Variants in SPON1 observed in about 807,000 individuals in gnomAD.
The protein encoded by SPON1 is spondin-1.
In SPON1, 52 loss-of-function variants were observed where a neutral mutation model predicts 111.7. The ratio of observed to expected loss-of-function variants is 0.47; its 90% CI spans 0.37 to 0.59. The LOEUF (loss-of-function observed/expected upper bound fraction) is 0.59. Among genes scored for constraint, SPON1 ranks in the 20% least tolerant of loss-of-function variants. SPON1 has a pLI of 0.00. For missense variants in SPON1, 957 were observed against 1,068.5 expected, an observed-to-expected ratio of 0.90 and a Z score of 1.46; for synonymous variants, 410 against 395.8, an observed-to-expected ratio of 1.04 and a Z score of -0.43.
chr11:13,992,407 C>T (rs1332486234), intron 2 of SPON1, among the ~76,000 whole-genome samples: 1 of 152,174 alleles, frequency 6.6e-6, no homozygotes, highest in Non-Finnish European at 1.5e-5. Context: ...CCCCTTCCTC[C>T]ACCAAGCTCG....
At chr11:14,090,846 C>T (rs1266101472) in intron 5 of SPON1, among the ~76,000 whole-genome samples, 1 of 59,480 alleles carries the variant, frequency 1.7e-5, no homozygotes, top group East Asian at 8.4e-4. Flanking sequence ...CCCCCCCCCG[C>T]CCACATCCTG....
chr11:14,177,933 T>C (rs1030332539), intron 6 of SPON1, among the ~76,000 whole-genome samples: 2 of 152,146 alleles, frequency 1.3e-5, no homozygotes, highest in African/African-American at 2.4e-5. Context: ...ATTCCAAAAG[T>C]ATTTCAGAGA....
chr11:14,044,140 G>GTAATATTAAAGTCCATA (rs1554917626), intron 3 of SPON1, among the ~76,000 whole-genome samples: 27 of 152,132 alleles, frequency 1.8e-4, no homozygotes. Flanking sequence ...TAAAGTCCAT[G>GTAATATTAAAGTCCATA]TTCTGCCTTT....
intron 6 of SPON1, among the ~76,000 whole-genome samples, chr11:14,148,301 G>A (rs1025120852): frequency 1.3e-5 from 2 of 152,074 alleles, no homozygotes; most frequent in East Asian, 1.9e-4. Context: ...GTGTACTTAC[G>A]TCTCTTGAAG....
In SPON1 at chr11:14,120,267, G is replaced by T. The variant is rs531611058; in HGVS notation, c.677-15153G>T. ...ATTCCCAGGGTAATATTTATGCAAG[G>T]CAGGAAGTACTTAAAGAGCCTCCAA... On this transcript the variant is annotated intron_variant, in intron 5 of 15. Coordinates refer to ENST00000576479, the MANE Select transcript of SPON1 (RefSeq NM_006108.4). 2.6e-5 allele frequency among the ~76,000 whole-genome samples: 4 copies of T among 152,198 alleles called. No homozygotes were observed. In the South Asian group the frequency reaches 8.3e-4, roughly 32 times the overall value.
Position 14,145,769 on chromosome 11 carries a change from C to G in SPON1, c.825+10201C>G, listed in dbSNP as rs138184113. Among the ~76,000 whole-genome samples, 747 of 152,148 alleles carry G rather than the reference C, an allele frequency of 4.9e-3. 10 individuals carry two copies. The highest frequency in any genetic ancestry group is 0.017 in the African/African-American group (691 of 41,524). On this transcript the variant is annotated intron_variant, in intron 6 of 15. Coordinates refer to ENST00000576479, the MANE Select transcript of SPON1 (RefSeq NM_006108.4). Reference sequence around the variant, plus strand: ...AGTATTTTATTTTTAAGAGATGGAACAAGCAAACTTTCATCAATAGGGGTC... The same window carrying G: ...AGTATTTTATTTTTAAGAGATGGAAGAAGCAAACTTTCATCAATAGGGGTC...
intron 3 of SPON1, among the ~76,000 whole-genome samples, chr11:14,072,260 A>G (rs1848882860): frequency 6.6e-6 from 1 of 152,150 alleles, no homozygotes; most frequent in African/African-American, 2.4e-5. Flanking sequence ...TATTAAAAAG[A>G]GGAAATGGGT....
chr11:14,150,870 A>G (rs1156445753), intron 6 of SPON1, among the ~76,000 whole-genome samples: 2 of 152,272 alleles, frequency 1.3e-5, no homozygotes, highest in South Asian at 2.1e-4. Context: ...CACTGAACTC[A>G]CTTTTCTGGA....
chr11:14,136,022 A>G (rs76820037), intron 6 of SPON1, among the ~76,000 whole-genome samples: 2,981 of 152,246 alleles, frequency 0.02, 44 homozygotes, highest in Non-Finnish European at 0.032. Flanking sequence ...CATAATCATT[A>G]TGGACTGAGG....
At chr11:14,208,267 C>T (rs12365739) in intron 6 of SPON1, among the ~76,000 whole-genome samples, 21,284 of 151,732 alleles carry the variant, frequency 0.14, 1,669 homozygotes, top group South Asian at 0.24. Flanking sequence ...GGGCTTAATA[C>T]CTGGTTGATG....
chr11:14,173,725 T>C (rs1299139774), intron 6 of SPON1, among the ~76,000 whole-genome samples: 2 of 152,220 alleles, frequency 1.3e-5, no homozygotes, highest in Non-Finnish European at 2.9e-5. Context: ...GACCCTCAGC[T>C]GCAGGTCTGT....
intron 6 of SPON1, among the ~76,000 whole-genome samples, chr11:14,174,134 G>C (rs1249183727): frequency 1.3e-5 from 2 of 152,220 alleles, no homozygotes; most frequent in East Asian, 1.9e-4. Context: ...CTGGATCCTG[G>C]ATCCCCAAAA....
rs1388076674 is a variant in SPON1 at position 14,041,081 on chromosome 11, T to C, written c.346-440T>C. Among the ~76,000 whole-genome samples the C allele has an allele frequency of 2.0e-5, 3 of 152,234 alleles. No individual in the cohort carries two copies. In the East Asian group the frequency reaches 5.8e-4, roughly 29 times the overall value. On this transcript the variant is annotated intron_variant, in intron 2 of 15. Transcript: ENST00000576479. ...AGTGCTATGAAGCTGGGATACTTTA[T>C]ATACTTTGCTATACTTCCTCCAAAA...
At chr11:14,164,583 A>G (rs1359667664) in intron 6 of SPON1, among the ~76,000 whole-genome samples, 1 of 152,182 alleles carries the variant, frequency 6.6e-6, no homozygotes, top group Non-Finnish European at 1.5e-5. Flanking sequence ...TATGCAGTCA[A>G]ACCTAATCCT....
At chr11:14,109,244 G>C (rs782694836) in intron 5 of SPON1, among the ~76,000 whole-genome samples, 8 of 152,054 alleles carry the variant, frequency 5.3e-5, no homozygotes, top group African/African-American at 7.2e-5. Flanking sequence ...CTAAGAAGCC[G>C]GGACTACAGG....
At chr11:14,066,250 A>T (rs181965549) in intron 3 of SPON1, among the ~76,000 whole-genome samples, 4 of 152,324 alleles carry the variant, frequency 2.6e-5, no homozygotes, top group African/African-American at 9.6e-5. Flanking sequence ...AAGAGAAAAG[A>T]TTTTTTGGCT....
intron 6 of SPON1, among the ~76,000 whole-genome samples, chr11:14,206,055 C>T (rs1240894935): frequency 5.9e-5 from 9 of 152,232 alleles, no homozygotes; most frequent in African/African-American, 1.7e-4. Context: ...GAACCTATTT[C>T]CAGGCCCAGA....
chr11:14,109,325 G>T (rs1554925210), intron 5 of SPON1, among the ~76,000 whole-genome samples: 1 of 152,098 alleles, frequency 6.6e-6, no homozygotes, highest in Admixed American at 6.5e-5. Context: ...TTTCCCTAGG[G>T]TTATGTTCTT....
intron 6 of SPON1, among the ~76,000 whole-genome samples, chr11:14,189,479 C>A (rs949955486): frequency 6.6e-5 from 10 of 152,118 alleles, no homozygotes; most frequent in African/African-American, 1.9e-4. Context: ...CCCTCGGAGG[C>A]AAATCTCAGC....
Sources: gnomAD v4.1 joint callset for allele counts (sites outside exome capture counted in the v4.1 genomes callset) on GRCh38, gnomAD v4.1.1 for gene constraint, MANE v1.5 for transcripts, NCBI Gene and HGNC (gene_info 2026-07-23, HGNC 2026-07-21) for gene names.